Variants in OSBPL7 observed in about 807,000 individuals in gnomAD.
OSBPL7 encodes oxysterol binding protein like 7.
In OSBPL7, 66 loss-of-function variants were observed where a neutral mutation model predicts 115.8. The ratio of observed to expected loss-of-function variants is 0.57; its 90% CI spans 0.47 to 0.70. The LOEUF is 0.70. Ranked by LOEUF, OSBPL7 falls within the 30% of genes least tolerant of loss-of-function variation. The pLI is 0.00. For missense variants in OSBPL7, 902 were observed against 1,125.5 expected (o/e 0.80, Z 2.84); for synonymous variants, 441 against 439.2 (o/e 1.00, Z -0.05).
rs2033362027 is a variant in OSBPL7 at position 47,820,333 on chromosome 17, A to G, written c.-55T>C. 3.2e-6 allele frequency: 5 copies of G among 1,558,062 alleles called. No individual in the cohort carries two copies. The highest frequency in any genetic ancestry group is 3.5e-6 in the Non-Finnish European group (4 of 1,142,268). ...GATGTAGAGCAGGGAGCAGGGTGGA[A>G]GGGGAAGGATGTCACCTGCTCCTGA... On this transcript the variant is annotated 5_prime_UTR_variant, in exon 2 of 23. Transcript: ENST00000007414.
chr17:47,817,395 C>A (rs1407981068), intron 7 of OSBPL7, 36 bp from the exon 8 acceptor site: 2 of 1,480,492 alleles, frequency 1.4e-6, no homozygotes, highest in Admixed American at 2.0e-5. Flanking sequence ...GAACACCATT[C>A]ATTTTTTTTT....
At chr17:47,812,249 C>A (rs967547767) in intron 16 of OSBPL7, among the ~76,000 whole-genome samples, 3 of 152,212 alleles carry the variant, frequency 2.0e-5, no homozygotes, top group Non-Finnish European at 4.4e-5. Flanking sequence ...GCCGATGACA[C>A]CCCTCAGGTC....
intron 1 of OSBPL7, 101 bp from the exon 2 acceptor site, chr17:47,820,466 C>T: frequency 1.7e-6 from 1 of 592,020 alleles, no homozygotes; most frequent in Non-Finnish European, 3.0e-6. Flanking sequence ...CCCAACATAC[C>T]CTCTGCTCAC....
At chr17:47,819,621 G>A (rs1046363568) in intron 4 of OSBPL7, 108 bp downstream of exon 4, 8 of 1,313,486 alleles carry the variant, frequency 6.1e-6, no homozygotes, top group Non-Finnish European at 7.6e-6. Flanking sequence ...GCAAGTGGTG[G>A]ACCTGGGATT....
rs2033213009 is a variant in OSBPL7, at chr17:47,816,293, C to G, written c.1024-91G>C. ...TGCAGAGACTGCCTCTGCCAACCCC[C>G]CACCCTGACCCAGATCTGCTATCGG... On this transcript the variant is annotated intron_variant, in intron 11 of 22. Coordinates refer to ENST00000007414, the MANE Select transcript of OSBPL7 (RefSeq NM_145798.3). This position sits in a 1 kb window ranked among gnomAD's most constrained non-coding sequence, Gnocchi z 5.8. The G allele has an allele frequency of 6.7e-7, 1 of 1,490,052 alleles. No individual in the cohort carries two copies. The highest frequency in any genetic ancestry group is 2.2e-5 in the Admixed American group (1 of 46,402). The allele number at this position is 1,490,052 out of a possible 1,614,324, so 92.3% of individuals were successfully genotyped here.
At chr17:47,820,128 G>C (rs1322578224) in intron 2 of OSBPL7, 32 bp from the exon 3 acceptor site, 1 of 1,613,272 alleles carries the variant, frequency 6.2e-7, no homozygotes, top group Admixed American at 1.7e-5. Context: ...GGGGAGCACT[G>C]GTGAGACGTC....
At position 47,808,550 on chromosome 17, in the gene OSBPL7, G is replaced by A; in HGVS notation, c.2408C>T (p.Ala803Val). 1.2e-6 allele frequency: 2 copies of A among 1,614,216 alleles called. No homozygotes were observed. The highest frequency in any genetic ancestry group is 1.7e-6 in the Non-Finnish European group (2 of 1,180,024). Residue 803 changes from alanine (A) to valine (V), a missense_variant, in exon 22 of 23, where the codon GCT becomes GTT. By Grantham distance (64) the Ala-to-Val change is moderately conservative. Around this residue, in one of 3 missense-constraint regions of OSBPL7, gnomAD observed 230 missense variants for 312.7 expected, o/e 0.74. Coordinates refer to ENST00000007414, the MANE Select transcript of OSBPL7 (RefSeq NM_145798.3). The surrounding 1 kb of genome is among the most constrained non-coding windows in gnomAD (Gnocchi z 6.1). Reference protein sequence around the residue: ...VMEENNIVHQARFFRRQTDSS... With the variant: ...VMEENNIVHQVRFFRRQTDSS... ...GAGGCCGAGGCACCTGAAGAAGCGA[G>A]CCTGGTGTACGATGTTGTTTTCCTC... is the stretch of plus-strand genomic sequence containing the variant.
chr17:47,808,782 A>G lies in OSBPL7; in HGVS notation c.2297+82T>C. ...CCCACTTCTCTGAGGCCACTCAGTG[A>G]AGGAAGGACAAAGCCCCAGCTCTGT... On this transcript the variant is annotated intron_variant, in intron 21 of 22. Transcript: ENST00000007414. The surrounding 1 kb of genome is among the most constrained non-coding windows in gnomAD (Gnocchi z 6.1). The G allele has an allele frequency of 1.2e-6, 2 of 1,603,740 alleles. No individual in the cohort carries two copies. Among genetic ancestry groups the G allele is most frequent in the Admixed American group, 1.7e-5 (1 of 59,490 alleles).
In OSBPL7 at chr17:47,808,059, T is replaced by C; in HGVS notation, c.*232A>G. 3.5e-6 allele frequency: 2 copies of C among 570,064 alleles called. No individual in the cohort carries two copies. Among genetic ancestry groups the C allele is most frequent in the East Asian group, 5.7e-5 (2 of 34,842 alleles). The allele number at this position is 570,064 out of a possible 1,614,324, so 35.3% of individuals were successfully genotyped here. A position where few individuals can be genotyped will look rare whatever the true frequency, so the allele number is the denominator to read the frequency against. ...CGGGAAGGGTCTTACATGCTGGTTG[T>C]CTGGGGCAAGGAGACTGGGGAAGCA... On this transcript the variant is annotated 3_prime_UTR_variant, in exon 23 of 23. Transcript: ENST00000007414. This position sits in a 1 kb window ranked among gnomAD's most constrained non-coding sequence, Gnocchi z 6.1.
Position 47,808,437 on chromosome 17 carries a change from C to A in OSBPL7, c.2421-38G>T. ...GGCGGTGGCAGTGAGGGGTGAACAT[C>A]TAGAAGGCAGGCTAGGGTCCTAAGG... On this transcript the variant is annotated intron_variant, in intron 22 of 22. Transcript: ENST00000007414. This position sits in a 1 kb window ranked among gnomAD's most constrained non-coding sequence, Gnocchi z 6.1. The A allele has an allele frequency of 6.2e-7, 1 of 1,613,902 alleles. No individual in the cohort carries two copies. Among genetic ancestry groups the A allele is most frequent in the Non-Finnish European group, 8.5e-7 (1 of 1,179,784 alleles).
intron 19 of OSBPL7, 28 bp from the exon 20 acceptor site, chr17:47,809,248 A>T (rs1567938228): frequency 6.2e-7 from 1 of 1,613,254 alleles, no homozygotes; most frequent in Non-Finnish European, 8.5e-7. Flanking sequence ...GGGTTTAGGG[A>T]GGTGTCCCCT....
intron 15 of OSBPL7, 89 bp downstream of exon 15, chr17:47,813,498 G>A (rs1476181822): frequency 9.4e-6 from 15 of 1,593,840 alleles, no homozygotes; most frequent in Non-Finnish European, 1.3e-5. Flanking sequence ...TCAGCAATAA[G>A]GAACAGCCCA....
At chr17:47,819,921 T>TGCCCCCCC in intron 3 of OSBPL7, 50 bp downstream of exon 3, 1 of 1,343,820 alleles carries the variant, frequency 7.4e-7, no homozygotes, top group Non-Finnish European at 1.0e-6. Context: ...TGCCCCCCAT[T>TGCCCCCCC]CCCACCCCGC....
At chr17:47,821,341 C>A (rs1045366171) in intron 1 of OSBPL7, among the ~76,000 whole-genome samples, 3 of 152,154 alleles carry the variant, frequency 2.0e-5, no homozygotes, top group Admixed American at 6.5e-5. Flanking sequence ...AGGGATGTGG[C>A]AGGAACGGGT....
At chr17:47,820,515 C>T in intron 1 of OSBPL7, 150 bp from the exon 2 acceptor site, 1 of 531,550 alleles carries the variant, frequency 1.9e-6, no homozygotes, top group East Asian at 3.3e-5. Context: ...CTGTCCCGAC[C>T]CCACCCATTT....
intron 6 of OSBPL7, 32 bp downstream of exon 6, chr17:47,818,474 A>G: frequency 6.3e-7 from 1 of 1,587,486 alleles, no homozygotes; most frequent in Non-Finnish European, 8.6e-7. Context: ...GAATTGCCAC[A>G]TTACCTGCCC....
rs2033183054 is a variant in OSBPL7, at chr17:47,815,409, A to C, written c.1120-57T>G. 11 of 1,602,328 alleles carry C rather than the reference A, an allele frequency of 6.9e-6. No individual in the cohort carries two copies. In the South Asian group the frequency reaches 1.1e-4, roughly 16 times the overall value. On this transcript the variant is annotated intron_variant, in intron 12 of 22. Transcript: ENST00000007414. ...CGGGGCCAAGCCGGGGGGATCAAGC[A>C]GGGCACCCGCTTGCCTGACAGTTCC... is the stretch of plus-strand genomic sequence containing the variant.
chr17:47,819,964 A>C lies in OSBPL7; in HGVS notation c.201+7T>G, dbSNP rs1598027895. On this transcript the variant is annotated splice_region_variant and intron_variant, in intron 3 of 22. Coordinates refer to ENST00000007414, the MANE Select transcript of OSBPL7 (RefSeq NM_145798.3). ...GTCTGGACCCTCCCTTTGCCTGCCC[A>C]CCCTACCTTGTGCCAGCCCTTCAGA... 3 of 1,015,170 alleles carry C rather than the reference A, an allele frequency of 3.0e-6. No homozygotes were observed. Among genetic ancestry groups the C allele is most frequent in the African/African-American group, 8.0e-5 (2 of 25,136 alleles). The allele number at this position is 1,015,170 out of a possible 1,614,324, so 62.9% of individuals were successfully genotyped here.
intron 16 of OSBPL7, among the ~76,000 whole-genome samples, chr17:47,812,866 C>A (rs2033086871): frequency 6.6e-6 from 1 of 152,090 alleles, no homozygotes; most frequent in South Asian, 2.1e-4. Flanking sequence ...AAGCCCAAGG[C>A]CTCTTTCCCT....
Sources: allele counts gnomAD v4.1 joint callset (sites outside exome capture counted in the v4.1 genomes callset), GRCh38; gene constraint gnomAD v4.1.1; regional missense constraint gnomAD v4.1.1; non-coding constraint Gnocchi (gnomAD v3.1); transcripts MANE v1.5; gene names NCBI Gene and HGNC (gene_info 2026-07-23, HGNC 2026-07-21).